N4BP2L2: variants seen among roughly 807,000 people sequenced by gnomAD.
The protein encoded by N4BP2L2 is NEDD4-binding protein 2-like 2.
Under a neutral mutation model 56.2 loss-of-function variants are expected in N4BP2L2, and 50 were observed. The observed-to-expected ratio is 0.89, with a 90% confidence interval of 0.71 to 1.13. The LOEUF (loss-of-function observed/expected upper bound fraction) is 1.13, where lower values mean the gene tolerates loss of function less well. N4BP2L2 is among the 50% of genes most tolerant of loss of function. The probability of loss-of-function intolerance (pLI) is 0.00; values close to 1 mark genes in which losing one functional copy is unlikely to be tolerated. For missense variants in N4BP2L2, 689 were observed against 693.8 expected (o/e 0.99, Z 0.08); for synonymous variants, 203 against 223.6 (o/e 0.91, Z 0.82).
At chr13:32,529,533 A>G (rs561907417) in intron 2 of N4BP2L2, among the ~76,000 whole-genome samples, 2 of 152,340 alleles carry the variant, frequency 1.3e-5, no homozygotes, top group South Asian at 4.1e-4. Context: ...TTAGCATTCT[A>G]AAGCAAAACT....
In N4BP2L2 at chr13:32,459,411, C is replaced by A. The variant is rs185944451; in HGVS notation, c.366-15285G>T. Among the ~76,000 whole-genome samples the A allele has an allele frequency of 2.2e-4, 34 of 151,694 alleles. No homozygotes were observed. In the East Asian group the frequency reaches 6.2e-3, roughly 28 times the overall value. ...TAAACTAACCAAGGAAAAAGAATAT[C>A]CAAATAAACAAAATCAGAAATGAAA... On this transcript the variant is annotated intron_variant, in intron 6 of 9. Coordinates refer to the N4BP2L2 transcript ENST00000357505.
At chr13:32,444,093 G>A (rs1374239450) in exon 7 of N4BP2L2, 5 of 1,561,324 alleles carry the variant, frequency 3.2e-6, no homozygotes, top group East Asian at 2.3e-5. Flanking sequence ...TGGTTTTGCT[G>A]AGCCTATGCC....
chr13:32,464,117 A>G (rs767195132), intron 6 of N4BP2L2, among the ~76,000 whole-genome samples: 28 of 152,204 alleles, frequency 1.8e-4, no homozygotes, highest in Non-Finnish European at 3.1e-4. Context: ...TTAAAAGACA[A>G]CTACATAAAA....
In N4BP2L2 at chr13:32,538,637, T is replaced by C. The variant is rs528752607; in HGVS notation, c.-20A>G. The C allele has an allele frequency of 3.7e-5, 36 of 985,518 alleles. 1 individual carries two copies. The South Asian group carries it at 8.0e-4, about 22-fold the overall frequency. 61.0% of individuals were successfully genotyped at this position (985,518 alleles called of 1,614,324 possible). A position where few individuals can be genotyped will look rare whatever the true frequency, so the allele number is the denominator to read the frequency against. ...ACTCACCTTACTCTACCCCTACGCA[T>C]TGACCTTTACCTCCCAATAAAACCT... On this transcript the variant is annotated 5_prime_UTR_variant, in exon 1 of 6. It removes an upstream start codon present in the reference 5' UTR. Transcript: ENST00000267068.
chr13:32,499,377 T>G (rs938485910), intron 6 of N4BP2L2, among the ~76,000 whole-genome samples: 30 of 152,152 alleles, frequency 2.0e-4, no homozygotes, highest in Non-Finnish European at 3.8e-4. Context: ...ACTTCCTTAC[T>G]ACACTAAGCA....
At chr13:32,532,819 G>A (rs893769664) in intron 2 of N4BP2L2, among the ~76,000 whole-genome samples, 3 of 151,194 alleles carry the variant, frequency 2.0e-5, no homozygotes, top group African/African-American at 7.3e-5. Flanking sequence ...TCGATCTCTT[G>A]ACCTCATGAT....
intron 7 of N4BP2L2, among the ~76,000 whole-genome samples, chr13:32,439,302 A>G (rs558049950): frequency 1.4e-4 from 21 of 152,356 alleles, no homozygotes; most frequent in African/African-American, 4.6e-4. Flanking sequence ...CTCCCAATTT[A>G]GAAGGTAAGC....
exon 6 of N4BP2L2, chr13:32,512,493 T>G (rs2139800611): frequency 6.6e-6 from 1 of 152,300 alleles, no homozygotes; most frequent in Non-Finnish European, 1.5e-5. Context: ...TAATGTGTAA[T>G]TATTACAATT....
In N4BP2L2 at chr13:32,536,275, T is replaced by C. The variant is rs3742319; in HGVS notation, c.753A>G (p.Gln251=). 292 of 1,613,616 alleles carry C rather than the reference T, an allele frequency of 1.8e-4. 1 individual carries two copies. The East Asian group carries it at 6.1e-3, about 34-fold the overall frequency. ...AAGTGTCACAAAATGTAGGTATTAC[T>C]TGTCCATTACAGGGATATTTGTCTG... Residue 251 remains glutamine (Q), a synonymous_variant, in exon 2 of 6, where the codon CAA becomes CAG. Coordinates refer to ENST00000267068, the Ensembl canonical transcript of N4BP2L2.
At chr13:32,478,827 G>C (rs2083929030) in intron 6 of N4BP2L2, 1 of 152,164 alleles carries the variant, frequency 6.6e-6, no homozygotes, top group African/African-American at 2.4e-5. Flanking sequence ...TCAAAGGGTA[G>C]AAAAATGGTA....
intron 6 of N4BP2L2, among the ~76,000 whole-genome samples, chr13:32,476,602 A>G (rs2083366988): frequency 6.6e-6 from 1 of 152,172 alleles, no homozygotes; most frequent in Admixed American, 6.5e-5. Flanking sequence ...GGAGAAATCT[A>G]TTTTTATCCA....
rs191057688 is a variant in N4BP2L2 at position 32,482,433 on chromosome 13, C to T, written c.365+35424G>A. ...CTGGAGTACAGTAGTGCCATCTCGG[C>T]TCACCTCAATCTCTGCCTCCTGGGT... On this transcript the variant is annotated intron_variant, in intron 6 of 9. Transcript: ENST00000357505. 2.0e-4 allele frequency among the ~76,000 whole-genome samples: 30 copies of T among 152,272 alleles called. No individual in the cohort carries two copies. The East Asian group carries it at 2.3e-3, about 12-fold the overall frequency.
intron 6 of N4BP2L2, among the ~76,000 whole-genome samples, chr13:32,500,519 G>A (rs75488320): frequency 0.025 from 3,222 of 126,930 alleles, 46 homozygotes; most frequent in African/African-American, 0.042. Context: ...AGGAGTTCAA[G>A]ACTAGCCTGT....
intron 6 of N4BP2L2, among the ~76,000 whole-genome samples, chr13:32,485,548 GCTGA>G (rs2085672989): frequency 1.3e-5 from 2 of 152,036 alleles, no homozygotes. Context: ...CAAAAAAATA[GCTGA>G]CTAAATCTAG....
At chr13:32,446,484 T>C (rs1179818074) in intron 6 of N4BP2L2, 1 of 1,321,742 alleles carries the variant, frequency 7.6e-7, no homozygotes, top group Non-Finnish European at 1.0e-6. Flanking sequence ...AACCATCCTG[T>C]TGCAGGGCAA....
intron 6 of N4BP2L2, among the ~76,000 whole-genome samples, chr13:32,453,785 G>A (rs2078505488): frequency 6.6e-6 from 1 of 152,206 alleles, no homozygotes; most frequent in Non-Finnish European, 1.5e-5. Flanking sequence ...TCTTCTCAAA[G>A]AACTGTGGTT....
At chr13:32,538,624 C>G in exon 1 of N4BP2L2, 6 of 985,582 alleles carry the variant, frequency 6.1e-6, no homozygotes, top group Non-Finnish European at 7.2e-6. Context: ...TCACCTTACT[C>G]TACCCCTACG....
At position 32,477,896 on chromosome 13, in the gene N4BP2L2, G is replaced by T. The variant is rs1183418184; in HGVS notation, c.366-33770C>A. ...AATTCCGTCAAATCACCTCTCAAGAGATCAAAGGTTGAGAAAGTGATCAAT... is the reference window on the plus strand; with the variant it reads ...AATTCCGTCAAATCACCTCTCAAGATATCAAAGGTTGAGAAAGTGATCAAT... On this transcript the variant is annotated intron_variant, in intron 6 of 9. Coordinates refer to the N4BP2L2 transcript ENST00000357505. 7 of 1,289,394 alleles carry T rather than the reference G, an allele frequency of 5.4e-6. No individual in the cohort carries two copies. In the African/African-American group the frequency reaches 7.6e-5, roughly 14 times the overall value. The allele number at this position is 1,289,394 out of a possible 1,614,324, so 79.9% of individuals were successfully genotyped here.
In N4BP2L2 at chr13:32,522,284, TA is replaced by T. The variant is rs1566170558; in HGVS notation, c.1385-15del. ...TAGCTTGTTTTGCTGAAATAAAATA[TA>T]AATTTAAAAATAAAAAAACAAATTA... is the stretch of plus-strand genomic sequence containing the variant. On this transcript the variant is annotated splice_polypyrimidine_tract_variant and intron_variant, in intron 3 of 5. Coordinates refer to ENST00000267068, the Ensembl canonical transcript of N4BP2L2. 1 of 1,458,298 alleles carries T rather than the reference TA, an allele frequency of 6.9e-7. No individual in the cohort carries two copies. Among genetic ancestry groups the T allele is most frequent in the South Asian group, 1.4e-5 (1 of 72,864 alleles). The allele number at this position is 1,458,298 out of a possible 1,614,324, so 90.3% of individuals were successfully genotyped here. A position where few individuals can be genotyped will look rare whatever the true frequency, so the allele number is the denominator to read the frequency against.
Sources: gnomAD v4.1 joint callset for allele counts (sites outside exome capture counted in the v4.1 genomes callset) on GRCh38, gnomAD v4.1.1 for gene constraint, MANE v1.5 for transcripts, NCBI Gene and HGNC (gene_info 2026-07-23, HGNC 2026-07-21) for gene names.